The following SIK3 variants were observed in gnomAD, a reference collection of about 807,000 sequenced individuals.
SIK3 encodes serine/threonine-protein kinase SIK3.
A neutral mutation model predicts 144.2 loss-of-function variants in SIK3; 28 were observed. The ratio of observed to expected loss-of-function variants is 0.19; its 90% CI spans 0.14 to 0.27. The LOEUF (loss-of-function observed/expected upper bound fraction) is 0.27. SIK3 is among the 10% of genes least tolerant of loss of function. The probability of loss-of-function intolerance (pLI) is 1.00; values close to 1 mark genes in which losing one functional copy is unlikely to be tolerated. For missense variants in SIK3, 1,319 were observed against 1,776.0 expected (o/e 0.74, Z 4.62); for synonymous variants, 686 against 676.3 (o/e 1.01, Z -0.22).
chr11:116,966,348 TCACGC>T (rs558960433), intron 1 of SIK3, among the ~76,000 whole-genome samples: 6 of 152,270 alleles, frequency 3.9e-5, no homozygotes, highest in Middle Eastern at 3.4e-3. Context: ...TGGGCTGTGA[TCACGC>T]CACTGCACTC....
intron 1 of SIK3, among the ~76,000 whole-genome samples, chr11:116,980,551 A>C (rs1023860984): frequency 6.6e-5 from 10 of 152,226 alleles, no homozygotes; most frequent in African/African-American, 2.4e-4. Context: ...CACCATCGTA[A>C]AGTTGAAAAA....
rs142446806 is a variant in SIK3, at chr11:116,942,489, T to C, written c.454+11555A>G. Reference sequence around the variant, plus strand: ...GACAGTAAAAAAACAAATAAATATATGTCAGTTCATGATAAAAACCAAAAA... The same window carrying C: ...GACAGTAAAAAAACAAATAAATATACGTCAGTTCATGATAAAAACCAAAAA... On this transcript the variant is annotated intron_variant, in intron 3 of 24. Transcript: ENST00000445177. 3.3e-3 allele frequency among the ~76,000 whole-genome samples: 505 copies of C among 152,194 alleles called. 4 individuals are homozygous for C. Among genetic ancestry groups the C allele is most frequent in the African/African-American group, 0.011 (476 of 41,518 alleles).
At chr11:117,041,226 G>A (rs540149467) in intron 1 of SIK3, among the ~76,000 whole-genome samples, 2 of 151,996 alleles carry the variant, frequency 1.3e-5, no homozygotes, top group Non-Finnish European at 2.9e-5. Flanking sequence ...GTAAGAGATG[G>A]GGAAAAAAAT....
chr11:116,872,483 GC>G (rs1250586998), intron 13 of SIK3, among the ~76,000 whole-genome samples: 1 of 152,168 alleles, frequency 6.6e-6, no homozygotes, highest in Non-Finnish European at 1.5e-5. Context: ...GATGGCAAGG[GC>G]TATGATATAT....
At chr11:116,918,847 T>G (rs956138154) in intron 4 of SIK3, among the ~76,000 whole-genome samples, 1 of 152,198 alleles carries the variant, frequency 6.6e-6, no homozygotes, top group Non-Finnish European at 1.5e-5. Context: ...GTCTCAGGAA[T>G]AGGATTCAAG....
chr11:117,098,084 GC>G, intron 1 of SIK3, 58 bp downstream of exon 1: 1 of 1,304,488 alleles, frequency 7.7e-7, no homozygotes, highest in Non-Finnish European at 9.8e-7. Context: ...CGGCTGGGGG[GC>G]GCGGACCTCT....
At chr11:116,896,829 C>G (rs966058777) in intron 5 of SIK3, among the ~76,000 whole-genome samples, 6 of 152,098 alleles carry the variant, frequency 3.9e-5, no homozygotes, top group African/African-American at 1.4e-4. Context: ...AGTTTGAGAC[C>G]AGCCTGGCCA....
rs758423345 is a variant in SIK3, at chr11:116,849,167, G to A, written c.3772C>T (p.Arg1258Trp). Residue 1258 changes from arginine to tryptophan, a missense_variant, in exon 22 of 25, where the codon CGG becomes TGG. Around this residue, in one of 8 missense-constraint regions of SIK3, gnomAD observed 646 missense variants for 763.7 expected, o/e 0.85. Coordinates refer to ENST00000445177, the MANE Select transcript of SIK3 (RefSeq NM_001366686.3). This position sits in a 1 kb window ranked among gnomAD's most constrained non-coding sequence, Gnocchi z 4.2. The stretch of plus-strand genomic sequence containing the variant: ...ATCGTGTGGTGTCTCTGGAGGGCCC[G>A]GGGCCTGTGGTGCTCATGGACGGAG... ...RPSVHEHHRPRALQRHHTIQN... is the reference protein window; with the variant it reads ...RPSVHEHHRPWALQRHHTIQN... 6.8e-6 allele frequency: 11 copies of A among 1,612,772 alleles called. No individual in the cohort carries two copies. In the East Asian group the frequency reaches 1.1e-4, roughly 16 times the overall value.
intron 1 of SIK3, among the ~76,000 whole-genome samples, chr11:117,065,366 G>A (rs905000059): frequency 1.3e-5 from 2 of 151,748 alleles, no homozygotes; most frequent in Non-Finnish European, 1.5e-5. Context: ...AAGTCCATTA[G>A]TCTATTAGAA....
At chr11:116,983,135 G>A (rs1193931914) in intron 1 of SIK3, among the ~76,000 whole-genome samples, 1 of 151,364 alleles carries the variant, frequency 6.6e-6, no homozygotes, top group African/African-American at 2.4e-5. Context: ...GCTGAGGCAG[G>A]AGAATGGCAT....
intron 3 of SIK3, among the ~76,000 whole-genome samples, chr11:116,941,598 T>C (rs984323197): frequency 9.2e-5 from 14 of 152,342 alleles, no homozygotes; most frequent in African/African-American, 2.9e-4. Flanking sequence ...GAGTGACCTA[T>C]GGCATAAATG....
At chr11:116,976,691 C>T (rs1296484359) in intron 1 of SIK3, among the ~76,000 whole-genome samples, 1 of 152,176 alleles carries the variant, frequency 6.6e-6, no homozygotes, top group Non-Finnish European at 1.5e-5. Flanking sequence ...TGTGAGCCCC[C>T]CTACAGGGCC....
rs1373222891 is a variant in SIK3, at chr11:116,867,995, G to T, written c.1903C>A (p.Pro635Thr). 6.4e-7 allele frequency: 1 copy of T among 1,550,446 alleles called. No individual in the cohort carries two copies. The highest frequency in any genetic ancestry group is 2.4e-5 in the East Asian group (1 of 40,922). Residue 635 changes from proline to threonine, a missense_variant, in exon 15 of 25, where the codon CCT (proline) becomes ACT (threonine). Physicochemically the swap from Pro to Thr is conservative, Grantham distance 38. This residue lies in a region of SIK3 where 47 missense variants were observed against 40.2 expected (regional missense o/e 1.17). Transcript: ENST00000445177. This position sits in a 1 kb window ranked among gnomAD's most constrained non-coding sequence, Gnocchi z 4.1. The part of the protein sequence containing the change: ...PDLQRQLGQQ[P>T]FRSRVWPPHL... ...GGAGGCCAGACCCGGGAACGGAAAG[G>T]CTGCTGTCCTAGCTGCCGTTGTAGG...
At chr11:116,923,961 TC>T (rs1947138818) in intron 4 of SIK3, among the ~76,000 whole-genome samples, 1 of 152,180 alleles carries the variant, frequency 6.6e-6, no homozygotes, top group Admixed American at 6.5e-5. Context: ...ACTCTGAGTT[TC>T]TCAATGTAAA....
At chr11:117,079,434 T>C (rs11216266) in intron 1 of SIK3, among the ~76,000 whole-genome samples, 59,893 of 152,034 alleles carry the variant, frequency 0.39, 14,952 homozygotes, top group African/African-American at 0.72. Flanking sequence ...AAATGGAGGG[T>C]GTATTACAAG....
At chr11:116,996,257 G>A (rs1393864386) in intron 1 of SIK3, among the ~76,000 whole-genome samples, 3 of 152,004 alleles carry the variant, frequency 2.0e-5, no homozygotes, top group South Asian at 4.1e-4. Context: ...GCAATGAGCC[G>A]AGATTGTGCC....
chr11:117,091,683 A>G (rs561383092), intron 1 of SIK3, among the ~76,000 whole-genome samples: 5 of 152,380 alleles, frequency 3.3e-5, no homozygotes, highest in Non-Finnish European at 5.9e-5. Context: ...GAGAAAGAAT[A>G]TAAGTTGTTA....
chr11:116,975,862 T>C (rs1380904864), intron 1 of SIK3, among the ~76,000 whole-genome samples: 6 of 152,226 alleles, frequency 3.9e-5, no homozygotes, highest in Admixed American at 3.9e-4. Flanking sequence ...TTTCCACATA[T>C]CCTAACCAAC....
chr11:116,899,015 C>T (rs1240403053), intron 4 of SIK3, among the ~76,000 whole-genome samples: 8 of 150,206 alleles, frequency 5.3e-5, no homozygotes. Flanking sequence ...GTTGCCATTG[C>T]TTTTGGTGTT....
Sources: gnomAD v4.1 joint callset for allele counts (sites outside exome capture counted in the v4.1 genomes callset) on GRCh38, gnomAD v4.1.1 for gene constraint, gnomAD v4.1.1 regional missense constraint, Gnocchi (gnomAD v3.1) non-coding constraint, MANE v1.5 for transcripts, NCBI Gene and HGNC (gene_info 2026-07-23, HGNC 2026-07-21) for gene names.